Variants in SAP130 observed in about 807,000 individuals in gnomAD.
SAP130 encodes the protein histone deacetylase complex subunit SAP130.
A neutral mutation model predicts 103.2 loss-of-function variants in SAP130; 16 were observed. That is an observed-to-expected ratio of 0.16 (90% CI 0.10 to 0.24). The LOEUF (loss-of-function observed/expected upper bound fraction) is 0.24. Among genes scored for constraint, SAP130 ranks in the 10% least tolerant of loss-of-function variants. The pLI, the probability that SAP130 is intolerant of heterozygous loss-of-function variation, is 1.00. For missense variants in SAP130, 990 were observed against 1,359.7 expected (o/e 0.73, Z 4.28); for synonymous variants, 477 against 497.0 (o/e 0.96, Z 0.53).
intron 15 of SAP130, among the ~76,000 whole-genome samples, chr2:127,964,550 TACA>T (rs1009576586): frequency 6.9e-6 from 1 of 144,118 alleles, no homozygotes. Flanking sequence ...GAAAGCATTA[TACA>T]GCAGAATCAG....
chr2:128,005,700 G>A (rs1041687731), intron 7 of SAP130, among the ~76,000 whole-genome samples: 4 of 150,636 alleles, frequency 2.7e-5, no homozygotes, highest in African/African-American at 9.8e-5. Flanking sequence ...AGGCTGGAGC[G>A]CAGTGGCGCG....
chr2:127,977,448 C>T (rs1397097971), intron 15 of SAP130, among the ~76,000 whole-genome samples: 1 of 151,786 alleles, frequency 6.6e-6, no homozygotes, highest in East Asian at 1.9e-4. Context: ...TGCAGTGAGC[C>T]GAGATAGTGC....
chr2:127,986,982 G>A lies in SAP130; in HGVS notation c.1781-20C>T. The A allele has an allele frequency of 6.3e-7, 1 of 1,598,154 alleles. No individual in the cohort carries two copies. The highest frequency in any genetic ancestry group is 8.6e-7 in the Non-Finnish European group (1 of 1,167,552). On this transcript the variant is annotated intron_variant, in intron 13 of 20. Transcript: ENST00000643581. The surrounding 1 kb of genome is among the most constrained non-coding windows in gnomAD (Gnocchi z 4.7). Reference sequence around the variant, plus strand: ...CCACTGCTACAGGAGAGAGGCAACAGGAAAGAACATTGAAGAGAGGGAAAC... The same window carrying A: ...CCACTGCTACAGGAGAGAGGCAACAAGAAAGAACATTGAAGAGAGGGAAAC...
chr2:128,000,086 T>C lies in SAP130; in HGVS notation c.1078A>G (p.Thr360Ala), dbSNP rs747570634. 6.2e-7 allele frequency: 1 copy of C among 1,614,198 alleles called. No homozygotes were observed. The highest frequency in any genetic ancestry group is 1.1e-5 in the South Asian group (1 of 91,076). Residue 360 changes from threonine to alanine, a missense_variant, in exon 9 of 21, where the codon ACC (threonine) becomes GCC (alanine). Around this residue, in one of 6 missense-constraint regions of SAP130, gnomAD observed 336 missense variants for 520.1 expected, o/e 0.65. Coordinates refer to ENST00000643581, the MANE Select transcript of SAP130 (RefSeq NM_001330301.2). ...AAATVAPILATNTIPSATTAG... is the reference protein window; with the variant it reads ...AAATVAPILAANTIPSATTAG... ...GTGGTCGCTGAAGGAATGGTGTTGG[T>C]TGCCAAAATAGGTGCTACTGTGGCT... is the stretch of plus-strand genomic sequence containing the variant.
intron 15 of SAP130, among the ~76,000 whole-genome samples, chr2:127,960,386 C>G (rs1680155848): frequency 6.6e-6 from 1 of 151,976 alleles, no homozygotes; most frequent in South Asian, 2.1e-4. Context: ...AGCAGGGCTT[C>G]AAGGAGGGAT....
chr2:128,014,373 C>T (rs893486256), intron 5 of SAP130, among the ~76,000 whole-genome samples: 1 of 150,222 alleles, frequency 6.7e-6, no homozygotes, highest in African/African-American at 2.5e-5. Flanking sequence ...CCATCTCAGC[C>T]TCCTGAGTGC....
chr2:128,000,039 G>C lies in SAP130; in HGVS notation c.1108+17C>G. On this transcript the variant is annotated intron_variant, in intron 9 of 20. Transcript: ENST00000643581. The stretch of plus-strand genomic sequence containing the variant: ...CCTTTTTCCCCAGTAGAAGGAAGAG[G>C]AGGGTCGTGGACTTACCAGCTGTGG... The C allele has an allele frequency of 6.2e-7, 1 of 1,611,116 alleles. No individual in the cohort carries two copies. The highest frequency in any genetic ancestry group is 1.3e-5 in the African/African-American group (1 of 74,956).
intron 15 of SAP130, among the ~76,000 whole-genome samples, chr2:127,970,830 T>A (rs1463963246): frequency 6.6e-6 from 1 of 152,210 alleles, no homozygotes; most frequent in African/African-American, 2.4e-5. Flanking sequence ...TCCGAGGTAC[T>A]GGGAGTTGAC....
At chr2:128,002,046 C>A (rs1683599248) in intron 7 of SAP130, among the ~76,000 whole-genome samples, 1 of 152,032 alleles carries the variant, frequency 6.6e-6, no homozygotes, top group East Asian at 1.9e-4. Context: ...CCTGCCTTAG[C>A]CTCCTGAGTA....
At position 128,021,033 on chromosome 2, in the gene SAP130, G is replaced by C. The variant is rs377128467; in HGVS notation, c.113-3118C>G. 1.4e-4 allele frequency among the ~76,000 whole-genome samples: 21 copies of C among 152,256 alleles called. No individual in the cohort carries two copies. The East Asian group carries it at 4.1e-3, about 29-fold the overall frequency. On this transcript the variant is annotated intron_variant, in intron 2 of 20. Coordinates refer to ENST00000643581, the MANE Select transcript of SAP130 (RefSeq NM_001330301.2). ...GATTCTATTGTATAGATGTACTATAGCTTTTAAAATCACTGTATCATTGAT... is the reference window on the plus strand; with the variant it reads ...GATTCTATTGTATAGATGTACTATACCTTTTAAAATCACTGTATCATTGAT...
Position 127,996,243 on chromosome 2 carries a change from A to T in SAP130, c.1355+107T>A. 1.8e-6 allele frequency: 2 copies of T among 1,081,350 alleles called. No individual in the cohort carries two copies. The highest frequency in any genetic ancestry group is 2.5e-6 in the Non-Finnish European group (2 of 808,948). The allele number at this position is 1,081,350 out of a possible 1,614,324, so 67.0% of individuals were successfully genotyped here. ...TACTTTCAGGGGAAAATCTGAAAAC[A>T]TGAGTAATAAATATAGGCCATATTT... On this transcript the variant is annotated intron_variant, in intron 11 of 20. Coordinates refer to ENST00000643581, the MANE Select transcript of SAP130 (RefSeq NM_001330301.2). The surrounding 1 kb of genome is among the most constrained non-coding windows in gnomAD (Gnocchi z 4.3).
chr2:127,967,679 A>G (rs998946915), intron 15 of SAP130, among the ~76,000 whole-genome samples: 2 of 152,206 alleles, frequency 1.3e-5, no homozygotes, highest in African/African-American at 4.8e-5. Context: ...TACAGGCGTG[A>G]GCCACTGTGC....
intron 14 of SAP130, among the ~76,000 whole-genome samples, chr2:127,979,020 C>T (rs1458154444): frequency 1.3e-5 from 2 of 152,030 alleles, no homozygotes; most frequent in African/African-American, 4.8e-5. Flanking sequence ...AAAAAAGGGC[C>T]TTTGCAAATG....
intron 15 of SAP130, among the ~76,000 whole-genome samples, chr2:127,967,146 G>A (rs1333157256): frequency 1.3e-5 from 2 of 152,180 alleles, no homozygotes; most frequent in Non-Finnish European, 2.9e-5. Flanking sequence ...AGGGCATAAA[G>A]TTTCAGTTAA....
chr2:127,961,753 C>T (rs143426169), intron 15 of SAP130, among the ~76,000 whole-genome samples: 6 of 152,224 alleles, frequency 3.9e-5, no homozygotes, highest in Non-Finnish European at 8.8e-5. Context: ...CCACAGTGGA[C>T]GAACCACTTG....
chr2:127,978,209 G>A (rs770078287), intron 14 of SAP130, 120 bp from the exon 15 acceptor site: 9 of 666,824 alleles, frequency 1.3e-5, no homozygotes, highest in Non-Finnish European at 2.3e-5. Flanking sequence ...CATTGACTAA[G>A]TATTTTTAAA....
intron 12 of SAP130, among the ~76,000 whole-genome samples, chr2:127,992,484 T>C (rs1005798902): frequency 3.3e-5 from 5 of 152,032 alleles, no homozygotes; most frequent in Admixed American, 6.6e-5. Context: ...TTCTCCATGT[T>C]GGCCAGGCTG....
chr2:128,023,895 T>TA (rs1461037008), intron 2 of SAP130, among the ~76,000 whole-genome samples: 7 of 149,930 alleles, frequency 4.7e-5, no homozygotes, highest in Non-Finnish European at 7.5e-5. Context: ...TTATGGAAGA[T>TA]AGAGTCTTCT....
At chr2:127,999,616 GA>G (rs67585632) in intron 10 of SAP130, 124 bp downstream of exon 10, 29,869 of 361,492 alleles carry the variant, frequency 0.083, 77 homozygotes, top group East Asian at 0.13. Flanking sequence ...AAAAAGAAAA[GA>G]AAAAAAAAAA....
Sources: allele counts gnomAD v4.1 joint callset (sites outside exome capture counted in the v4.1 genomes callset), GRCh38; gene constraint gnomAD v4.1.1; regional missense constraint gnomAD v4.1.1; non-coding constraint Gnocchi (gnomAD v3.1); transcripts MANE v1.5; gene names NCBI Gene and HGNC (gene_info 2026-07-23, HGNC 2026-07-21).